The following C14orf39 variants were observed in gnomAD, a reference collection of about 807,000 sequenced individuals.
C14orf39 encodes the protein protein SIX6OS1.
In C14orf39, 66 loss-of-function variants were observed where a neutral mutation model predicts 85.6. That is an observed-to-expected ratio of 0.77 (90% CI 0.63 to 0.95). C14orf39 has a LOEUF of 0.95. Among genes scored for constraint, C14orf39 ranks in the 40% least tolerant of loss-of-function variants. The pLI, the probability that C14orf39 is intolerant of heterozygous loss-of-function variation, is 0.00. For missense variants in C14orf39, 735 were observed against 663.9 expected, an observed-to-expected ratio of 1.11 and a Z score of -1.18; for synonymous variants, 242 against 214.0, an observed-to-expected ratio of 1.13 and a Z score of -1.14.
In C14orf39 at chr14:60,468,426, T is replaced by A. The variant is rs776120783; in HGVS notation, c.767+19A>T. ...AAATATCTGTTCACATAAAATTTAA[T>A]TTTAAAGGTTACCTATACCTTTCTT... On this transcript the variant is annotated intron_variant, in intron 9 of 17. Transcript: ENST00000321731. The A allele has an allele frequency of 1.4e-6, 2 of 1,449,020 alleles. No individual in the cohort carries two copies. The highest frequency in any genetic ancestry group is 2.9e-5 in the African/African-American group (2 of 69,412). 89.8% of individuals were successfully genotyped at this position (1,449,020 alleles called of 1,614,324 possible).
At chr14:60,446,714 C>T (rs940596266) in intron 16 of C14orf39, among the ~76,000 whole-genome samples, 4 of 152,174 alleles carry the variant, frequency 2.6e-5, no homozygotes, top group African/African-American at 9.7e-5. Context: ...CCAGCATCAT[C>T]TTGATACCAA....
intron 16 of C14orf39, among the ~76,000 whole-genome samples, chr14:60,449,568 T>G (rs1174194129): frequency 6.6e-6 from 1 of 152,184 alleles, no homozygotes; most frequent in Non-Finnish European, 1.5e-5. Flanking sequence ...CTCACCAATC[T>G]GTTTCATAAT....
At chr14:60,462,308 G>A (rs930937325) in intron 11 of C14orf39, among the ~76,000 whole-genome samples, 8 of 152,104 alleles carry the variant, frequency 5.3e-5, no homozygotes, top group African/African-American at 1.9e-4. Flanking sequence ...ATGATCCATT[G>A]AGCCCAGGAT....
intron 16 of C14orf39, among the ~76,000 whole-genome samples, chr14:60,447,731 G>C (rs193265388): frequency 7.9e-4 from 120 of 152,242 alleles, no homozygotes; most frequent in African/African-American, 2.7e-3. Flanking sequence ...AGCCCGCATA[G>C]CCAAGACAAT....
At chr14:60,480,379 G>A (rs1285982859) in intron 4 of C14orf39, among the ~76,000 whole-genome samples, 1 of 152,120 alleles carries the variant, frequency 6.6e-6, no homozygotes, top group Non-Finnish European at 1.5e-5. Flanking sequence ...CAGTGAGTGA[G>A]ATCGCGCCAT....
Position 60,509,542 on chromosome 14 carries a change from C to T in C14orf39, c.-144+5853G>A, listed in dbSNP as rs1248467011. 2 of 1,610,354 alleles carry T rather than the reference C, an allele frequency of 1.2e-6. No homozygotes were observed. Among genetic ancestry groups the T allele is most frequent in the African/African-American group, 2.7e-5 (2 of 74,948 alleles). On this transcript the variant is annotated intron_variant, in intron 1 of 5. Coordinates refer to the C14orf39 transcript ENST00000556799. ...CCCCTGCGGCCTGCGAGGCCCTCAA[C>T]AAGAATGAGTCGGTGCTACGCGCAC...
At chr14:60,501,820 G>C (rs1313414947) in intron 1 of C14orf39, among the ~76,000 whole-genome samples, 1 of 152,158 alleles carries the variant, frequency 6.6e-6, no homozygotes, top group Non-Finnish European at 1.5e-5. Flanking sequence ...TGGAAAGTGA[G>C]ACATCATTAA....
At chr14:60,492,591 C>T (rs940079837) in intron 2 of C14orf39, among the ~76,000 whole-genome samples, 2 of 134,994 alleles carry the variant, frequency 1.5e-5, no homozygotes, top group African/African-American at 2.7e-5. Context: ...CATGGCGAAA[C>T]CTTATCTCTA....
intron 4 of C14orf39, among the ~76,000 whole-genome samples, chr14:60,482,925 G>A (rs1481486907): frequency 6.7e-6 from 1 of 148,418 alleles, no homozygotes; most frequent in Non-Finnish European, 1.5e-5. Flanking sequence ...GCATAATAAT[G>A]ATGTTGACTC....
In C14orf39 at chr14:60,476,724, A is replaced by G. The variant is rs531572045; in HGVS notation, c.323+1576T>C. On this transcript the variant is annotated intron_variant, in intron 5 of 17. Transcript: ENST00000321731. The stretch of plus-strand genomic sequence containing the variant: ...GTCATGACTTACATTGACAGATGCT[A>G]TAAGAAGCAGTTATATATACTGTGT... Among the ~76,000 whole-genome samples, 86 of 152,308 alleles carry G rather than the reference A, an allele frequency of 5.6e-4. 1 individual carries two copies. Among genetic ancestry groups the G allele is most frequent in the South Asian group, 1.0e-3 (5 of 4,828 alleles).
rs754508985 is a variant in C14orf39 at position 60,485,110 on chromosome 14, T to A, written c.-8-24A>T. On this transcript the variant is annotated intron_variant, in intron 1 of 17. Transcript: ENST00000321731. ...TACTATGTTAAATGAAAAAAAAAAT[T>A]ATAAGATTTTCTGAAGTCGTATGCA... is the stretch of plus-strand genomic sequence containing the variant. 45 of 1,574,544 alleles carry A rather than the reference T, an allele frequency of 2.9e-5. No homozygotes were observed. In the Middle Eastern group the frequency reaches 7.6e-4, roughly 27 times the overall value.
intron 16 of C14orf39, among the ~76,000 whole-genome samples, chr14:60,449,003 G>A (rs1890913309): frequency 6.6e-6 from 1 of 152,156 alleles, no homozygotes; most frequent in East Asian, 1.9e-4. Flanking sequence ...ACATGGACAC[G>A]GGGTGGGGAA....
chr14:60,463,985 C>G (rs1259812288), intron 11 of C14orf39, among the ~76,000 whole-genome samples: 1 of 152,062 alleles, frequency 6.6e-6, no homozygotes, highest in Non-Finnish European at 1.5e-5. Context: ...CTTTAAAAAA[C>G]AAAGAAACAA....
intron 7 of C14orf39, among the ~76,000 whole-genome samples, chr14:60,470,383 T>C (rs1892020137): frequency 6.6e-6 from 1 of 151,932 alleles, no homozygotes; most frequent in Non-Finnish European, 1.5e-5. Context: ...TATTCTGCCT[T>C]AAAATATGCA....
At chr14:60,482,910 G>GT (rs1555359397) in intron 4 of C14orf39, among the ~76,000 whole-genome samples, 13 of 138,268 alleles carry the variant, frequency 9.4e-5, no homozygotes, top group Admixed American at 1.5e-4. Context: ...GTGTGTGTGT[G>GT]GTGTGCATAA....
chr14:60,475,583 A>C (rs1167676072), intron 5 of C14orf39, among the ~76,000 whole-genome samples: 1 of 152,196 alleles, frequency 6.6e-6, no homozygotes, highest in Non-Finnish European at 1.5e-5. Context: ...ATAAAGTTTT[A>C]TTAGAGCATA....
rs763827324 is a variant in C14orf39, at chr14:60,436,982, T to C, written c.1627A>G (p.Thr543Ala). ...TCTTTTCCAGCTCCAAATGTATGAG[T>C]TGAAGTGTCTGATGGAAAAGAAAAT... ...FTFSFPSDTSTHTFGAGKDDF... is the reference protein window; with the variant it reads ...FTFSFPSDTSAHTFGAGKDDF... Residue 543 changes from threonine to alanine, a missense_variant, in exon 18 of 18, where the codon ACT (threonine) becomes GCT (alanine). By Grantham distance (58) the Thr-to-Ala change is moderately conservative (BLOSUM62 0). Transcript: ENST00000321731. The C allele has an allele frequency of 6.2e-7, 1 of 1,612,946 alleles. No individual in the cohort carries two copies. The highest frequency in any genetic ancestry group is 8.5e-7 in the Non-Finnish European group (1 of 1,179,380).
Position 60,475,845 on chromosome 14 carries a change from A to T in C14orf39, c.323+2455T>A, listed in dbSNP as rs534169634. 3.5e-3 allele frequency among the ~76,000 whole-genome samples: 531 copies of T among 152,278 alleles called. 3 individuals are homozygous for T. Among genetic ancestry groups the T allele is most frequent in the African/African-American group, 0.012 (488 of 41,578 alleles). On this transcript the variant is annotated intron_variant, in intron 5 of 17. Coordinates refer to ENST00000321731, the MANE Select transcript of C14orf39 (RefSeq NM_174978.3). Reference sequence around the variant, plus strand: ...TAGTTTCAAAAAAATTCGTAGAAAAATTTTTGAAAATATATAGTCCTTACA... The same window carrying T: ...TAGTTTCAAAAAAATTCGTAGAAAATTTTTTGAAAATATATAGTCCTTACA...
rs1178538862 is a variant in C14orf39, at chr14:60,491,605, T to C, written c.-8-6519A>G. On this transcript the variant is annotated intron_variant, in intron 2 of 5. Coordinates refer to the C14orf39 transcript ENST00000556799. This position sits in a 1 kb window ranked among gnomAD's most constrained non-coding sequence, Gnocchi z 4.5. ...CTCTCCTATCATCCCCCACATCAAA[T>C]CCATCATAAATCCTACCAATTTTTC... is the stretch of plus-strand genomic sequence containing the variant. Among the ~76,000 whole-genome samples the C allele has an allele frequency of 6.6e-6, 1 of 152,144 alleles. No individual in the cohort carries two copies. Among genetic ancestry groups the C allele is most frequent in the African/African-American group, 2.4e-5 (1 of 41,430 alleles).
Sources: allele counts gnomAD v4.1 joint callset (sites outside exome capture counted in the v4.1 genomes callset), GRCh38; gene constraint gnomAD v4.1.1; non-coding constraint Gnocchi (gnomAD v3.1); transcripts MANE v1.5; gene names NCBI Gene and HGNC (gene_info 2026-07-23, HGNC 2026-07-21).